Variants in ASCC3 observed in about 807,000 individuals in gnomAD.
ASCC3 encodes the protein activating signal cointegrator 1 complex subunit 3, also known as ASC-1 complex subunit P200.
Under a neutral mutation model 256.3 loss-of-function variants are expected in ASCC3, and 158 were observed. The ratio of observed to expected loss-of-function variants is 0.62; its 90% CI spans 0.54 to 0.70. The LOEUF (loss-of-function observed/expected upper bound fraction) is 0.70, where lower values mean the gene tolerates loss of function less well. Among genes scored for constraint, ASCC3 ranks in the 30% least tolerant of loss-of-function variants. The probability of loss-of-function intolerance (pLI) is 0.00; values close to 1 mark genes in which losing one functional copy is unlikely to be tolerated. For synonymous variants in ASCC3, 948 were observed against 883.4 expected, an observed-to-expected ratio of 1.07 and a Z score of -1.30; for missense variants, 2,259 against 2,626.0, an observed-to-expected ratio of 0.86 and a Z score of 3.05.
Position 100,589,701 on chromosome 6 carries a change from G to C in ASCC3, c.5483C>G (p.Thr1828Arg). 6.2e-7 allele frequency: 1 copy of C among 1,613,638 alleles called. No individual in the cohort carries two copies. Among genetic ancestry groups the C allele is most frequent in the Non-Finnish European group, 8.5e-7 (1 of 1,179,696 alleles). The change falls in exon 36 of 42, where the codon ACA (threonine) becomes AGA (arginine). Residue 1828 changes from threonine (T) to arginine (R), a missense_variant. Around this residue, in one of 2 missense-constraint regions of ASCC3, gnomAD observed 1,839 missense variants for 2,206.7 expected, o/e 0.83. Coordinates refer to ENST00000369162, the MANE Select transcript of ASCC3 (RefSeq NM_006828.4). ...IASYYYLKHQ[T>R]VKMFKDRLKP... ...CAAGCGGTCCTTGAACATTTTAACT[G>C]TTTGATGCTTCAAATAGTAATAGGA... is the stretch of plus-strand genomic sequence containing the variant.
chr6:100,532,518 T>G (rs1774966806), intron 37 of ASCC3, among the ~76,000 whole-genome samples: 1 of 151,306 alleles, frequency 6.6e-6, no homozygotes, highest in Non-Finnish European at 1.5e-5. Context: ...CTTGCTTTCT[T>G]AAACATTGCC....
intron 17 of ASCC3, among the ~76,000 whole-genome samples, chr6:100,655,327 A>C (rs943526902): frequency 1.3e-5 from 2 of 151,914 alleles, no homozygotes; most frequent in Non-Finnish European, 3.0e-5. Context: ...TAAGAGGAAC[A>C]GATTGTATAT....
intron 36 of ASCC3, among the ~76,000 whole-genome samples, chr6:100,587,488 T>C (rs939594506): frequency 4.6e-5 from 7 of 152,180 alleles, no homozygotes; most frequent in African/African-American, 1.4e-4. Context: ...ACGTATCTCC[T>C]TGTCAATGTG....
intron 8 of ASCC3, among the ~76,000 whole-genome samples, chr6:100,777,806 T>C (rs72945181): frequency 0.026 from 3,895 of 152,112 alleles, 73 homozygotes; most frequent in Non-Finnish European, 0.033. Context: ...AAGACAGGAA[T>C]TGTAGGTAGG....
At chr6:100,621,386 A>G (rs1218086046) in intron 30 of ASCC3, among the ~76,000 whole-genome samples, 1 of 152,174 alleles carries the variant, frequency 6.6e-6, no homozygotes, top group Non-Finnish European at 1.5e-5. Context: ...AACTTAAACA[A>G]ATTTACATGA....
At chr6:100,651,230 C>T (rs897661189) in intron 19 of ASCC3, among the ~76,000 whole-genome samples, 1 of 151,810 alleles carries the variant, frequency 6.6e-6, no homozygotes, top group East Asian at 1.9e-4. Context: ...ATACTCATAT[C>T]TAAGGTTTGA....
chr6:100,760,795 A>G (rs80328286), intron 10 of ASCC3, among the ~76,000 whole-genome samples: 2,209 of 152,316 alleles, frequency 0.015, 46 homozygotes, highest in African/African-American at 0.051. Flanking sequence ...GCAGAGCGAG[A>G]ACAGATTGGA....
At chr6:100,836,121 C>G (rs994198021) in intron 4 of ASCC3, among the ~76,000 whole-genome samples, 13 of 152,052 alleles carry the variant, frequency 8.5e-5, no homozygotes, top group African/African-American at 3.1e-4. Context: ...TGGAACTTTA[C>G]TAAATTTTAT....
chr6:100,629,009 A>T lies in ASCC3; in HGVS notation c.4375+6T>A, dbSNP rs1774400346. 1.2e-6 allele frequency: 2 copies of T among 1,611,948 alleles called. No homozygotes were observed. The highest frequency in any genetic ancestry group is 4.5e-5 in the East Asian group (2 of 44,836). ...GTAAACTGGCTTTAGATACAGTGGT[A>T]CCTACCAAGCAGATGGATCTCATCT... is the stretch of plus-strand genomic sequence containing the variant. On this transcript the variant is annotated splice_donor_region_variant and intron_variant, in intron 27 of 41. Coordinates refer to ENST00000369162, the MANE Select transcript of ASCC3 (RefSeq NM_006828.4).
At chr6:100,759,292 T>C (rs1052523813) in intron 10 of ASCC3, among the ~76,000 whole-genome samples, 1 of 152,218 alleles carries the variant, frequency 6.6e-6, no homozygotes, top group Non-Finnish European at 1.5e-5. Context: ...CTTTTGGCAT[T>C]TTCATCATGA....
rs565256668 is a variant in ASCC3 at position 100,524,781 on chromosome 6, C to A, written c.5776-6639G>T. Among the ~76,000 whole-genome samples, 8 of 152,208 alleles carry A rather than the reference C, an allele frequency of 5.3e-5. No homozygotes were observed. In the South Asian group the frequency reaches 1.0e-3, roughly 20 times the overall value. Reference sequence around the variant, plus strand: ...AGTATTCTTTAGACTTATGTTCTCTCTTCCTCCTCCCTTTATCCTTCCTCC... The same window carrying A: ...AGTATTCTTTAGACTTATGTTCTCTATTCCTCCTCCCTTTATCCTTCCTCC... On this transcript the variant is annotated intron_variant, in intron 37 of 41. Coordinates refer to ENST00000369162, the MANE Select transcript of ASCC3 (RefSeq NM_006828.4).
At chr6:100,662,624 T>C in intron 14 of ASCC3, 88 bp from the exon 15 acceptor site, 1 of 1,266,820 alleles carries the variant, frequency 7.9e-7, no homozygotes, top group Non-Finnish European at 1.1e-6. Flanking sequence ...ATCAAAGAAA[T>C]CAGAAAATTA....
intron 37 of ASCC3, among the ~76,000 whole-genome samples, chr6:100,537,780 C>T (rs1775235606): frequency 6.6e-6 from 1 of 151,542 alleles, no homozygotes; most frequent in Non-Finnish European, 1.5e-5. Context: ...ATGAAGCATA[C>T]TATTTTTATA....
intron 13 of ASCC3, among the ~76,000 whole-genome samples, chr6:100,693,258 A>C (rs1019863886): frequency 1.2e-4 from 18 of 152,084 alleles, no homozygotes; most frequent in Non-Finnish European, 7.4e-5. Context: ...CAAACCAACA[A>C]ACTGAGGTGT....
chr6:100,628,939 C>A, intron 27 of ASCC3, 76 bp downstream of exon 27: 1 of 1,288,972 alleles, frequency 7.8e-7, no homozygotes, highest in South Asian at 1.4e-5. Flanking sequence ...ATATTACATG[C>A]AAATTAAAAA....
At chr6:100,567,936 A>G (rs988479374) in intron 36 of ASCC3, among the ~76,000 whole-genome samples, 2 of 152,160 alleles carry the variant, frequency 1.3e-5, no homozygotes, top group Non-Finnish European at 1.5e-5. Flanking sequence ...GTTGTATAGT[A>G]GTTGTTTCTA....
At chr6:100,750,116 T>A (rs150215709) in intron 10 of ASCC3, among the ~76,000 whole-genome samples, 1 of 151,772 alleles carries the variant, frequency 6.6e-6, no homozygotes, top group South Asian at 2.1e-4. Context: ...CCCCAAACAA[T>A]AGAAAACTTG....
intron 12 of ASCC3, 148 bp downstream of exon 12, chr6:100,717,927 T>G (rs770442823): frequency 7.2e-5 from 48 of 666,868 alleles, no homozygotes; most frequent in Non-Finnish European, 1.2e-4. Flanking sequence ...ATATCACATC[T>G]GTAATGTGAT....
intron 26 of ASCC3, 127 bp downstream of exon 26, chr6:100,631,001 C>A (rs1774513058): frequency 4.5e-6 from 3 of 669,156 alleles, no homozygotes; most frequent in Non-Finnish European, 5.1e-6. Flanking sequence ...AATGTAAAAC[C>A]ATTCAGCAGT....
Sources: gnomAD v4.1 joint callset for allele counts (sites outside exome capture counted in the v4.1 genomes callset) on GRCh38, gnomAD v4.1.1 for gene constraint, gnomAD v4.1.1 regional missense constraint, MANE v1.5 for transcripts, NCBI Gene and HGNC (gene_info 2026-07-23, HGNC 2026-07-21) for gene names.